DPP10: variants seen among roughly 807,000 people sequenced by gnomAD.
The protein encoded by DPP10 is dipeptidyl peptidase like 10, also known as inactive dipeptidyl peptidase 10.
Under a neutral mutation model 120.9 loss-of-function variants are expected in DPP10, and 33 were observed. The observed-to-expected ratio is 0.27, with a 90% confidence interval of 0.21 to 0.37. The LOEUF is 0.37. DPP10 is among the 10% of genes least tolerant of loss of function. The probability of loss-of-function intolerance (pLI) is 1.00; values close to 1 mark genes in which losing one functional copy is unlikely to be tolerated. For missense variants in DPP10, 816 were observed against 942.8 expected, an observed-to-expected ratio of 0.87 and a Z score of 1.76; for synonymous variants, 337 against 326.1, an observed-to-expected ratio of 1.03 and a Z score of -0.36.
chr2:115,054,305 T>C (rs1051700545), intron 1 of DPP10, among the ~76,000 whole-genome samples: 1 of 152,178 alleles, frequency 6.6e-6, no homozygotes, highest in African/African-American at 2.4e-5. Context: ...TAAGTGAGAA[T>C]TTTTAGCTGT....
At chr2:114,891,198 A>G (rs1692513980) in intron 1 of DPP10, among the ~76,000 whole-genome samples, 1 of 152,212 alleles carries the variant, frequency 6.6e-6, no homozygotes, top group African/African-American at 2.4e-5. Flanking sequence ...CCAAATAGCC[A>G]TATAACTGTG....
intron 1 of DPP10, among the ~76,000 whole-genome samples, chr2:114,850,461 AT>A (rs574408955): frequency 3.3e-5 from 5 of 152,292 alleles, no homozygotes; most frequent in African/African-American, 1.2e-4. Flanking sequence ...ACTGCCAGTT[AT>A]TTTTTTAATG....
At chr2:115,342,065 A>T in intron 2 of DPP10, 1 of 434,156 alleles carries the variant, frequency 2.3e-6, no homozygotes, top group South Asian at 1.7e-5. Flanking sequence ...CTTACCCAGG[A>T]ATTAGTGAGA....
intron 1 of DPP10, among the ~76,000 whole-genome samples, chr2:115,288,998 T>C (rs2060526156): frequency 6.6e-6 from 1 of 151,998 alleles, no homozygotes; most frequent in African/African-American, 2.4e-5. Flanking sequence ...AAGAGGAAAT[T>C]AAACTATCTC....
chr2:115,070,728 T>C (rs1041851349), intron 1 of DPP10, among the ~76,000 whole-genome samples: 4 of 152,168 alleles, frequency 2.6e-5, no homozygotes, highest in African/African-American at 9.6e-5. Context: ...CAATTATAAA[T>C]ATAAGTAAGT....
intron 5 of DPP10, among the ~76,000 whole-genome samples, chr2:115,557,018 C>A (rs1466110982): frequency 6.6e-6 from 1 of 152,126 alleles, no homozygotes; most frequent in Non-Finnish European, 1.5e-5. Context: ...AGAATCATTC[C>A]ATTTCTGCTG....
chr2:115,761,137 T>G (rs1680069425), intron 11 of DPP10, among the ~76,000 whole-genome samples: 1 of 147,358 alleles, frequency 6.8e-6, no homozygotes, highest in Non-Finnish European at 1.5e-5. Flanking sequence ...CAGGCATAGG[T>G]AGCTCACACC....
intron 1 of DPP10, among the ~76,000 whole-genome samples, chr2:114,947,528 G>A (rs1238762120): frequency 6.6e-6 from 1 of 151,628 alleles, no homozygotes; most frequent in African/African-American, 2.4e-5. Context: ...CGTCATATTG[G>A]TCACTACCTA....
intron 3 of DPP10, among the ~76,000 whole-genome samples, chr2:115,452,064 G>A (rs1321355324): frequency 1.3e-5 from 2 of 151,886 alleles, no homozygotes; most frequent in African/African-American, 4.8e-5. Context: ...AGGTCACATA[G>A]TATGTTAGTA....
chr2:115,441,839 CAG>C (rs1348946311), intron 3 of DPP10, among the ~76,000 whole-genome samples: 2 of 111,988 alleles, frequency 1.8e-5, no homozygotes, highest in African/African-American at 4.1e-5. Flanking sequence ...TTTTTTTTGA[CAG>C]AGTCTCGCTG....
At chr2:115,059,664 G>A (rs1391219197) in intron 1 of DPP10, among the ~76,000 whole-genome samples, 1 of 120,264 alleles carries the variant, frequency 8.3e-6, no homozygotes, top group Non-Finnish European at 1.6e-5. Flanking sequence ...GAAATCTTGG[G>A]AACATTAGTG....
chr2:114,578,440 TC>T (rs1187463953), intron 1 of DPP10, among the ~76,000 whole-genome samples: 12 of 152,210 alleles, frequency 7.9e-5, no homozygotes, highest in African/African-American at 2.9e-4. Flanking sequence ...TTCAGTTACA[TC>T]CTAGATTAAT....
chr2:115,156,217 T>A (rs1158911599), intron 1 of DPP10, among the ~76,000 whole-genome samples: 2 of 152,232 alleles, frequency 1.3e-5, no homozygotes, highest in African/African-American at 4.8e-5. Flanking sequence ...AAACTATTAT[T>A]TGTATAATCA....
chr2:115,105,996 C>T (rs1036139055), intron 1 of DPP10, among the ~76,000 whole-genome samples: 3 of 152,194 alleles, frequency 2.0e-5, no homozygotes, highest in Non-Finnish European at 4.4e-5. Flanking sequence ...CTTTAAGTCA[C>T]AGGTCAGATT....
At chr2:115,476,040 C>G (rs2075054644) in intron 3 of DPP10, among the ~76,000 whole-genome samples, 2 of 152,038 alleles carry the variant, frequency 1.3e-5, no homozygotes, top group Admixed American at 1.3e-4. Context: ...CTCGGGGGGA[C>G]TCTTGAGAAG....
rs11392457 is a variant in DPP10, at chr2:115,537,563, GT to G, written c.441+11608del. On this transcript the variant is annotated intron_variant, in intron 5 of 25. Transcript: ENST00000410059. The stretch of plus-strand genomic sequence containing the variant: ...CTGACTTTACTTGAGACACATCACT[GT>G]TTTTTTTTTTTTTTTTCTCATGGAT... Among the ~76,000 whole-genome samples, 466 of 128,620 alleles carry G rather than the reference GT, an allele frequency of 3.6e-3. 3 individuals carry two copies. The highest frequency in any genetic ancestry group is 0.012 in the South Asian group (48 of 4,040). 84.4% of individuals were successfully genotyped at this position (128,620 alleles called of 152,430 possible).
At chr2:114,785,719 AACAG>A (rs1454848039) in intron 1 of DPP10, among the ~76,000 whole-genome samples, 1 of 152,148 alleles carries the variant, frequency 6.6e-6, no homozygotes, top group Non-Finnish European at 1.5e-5. Flanking sequence ...CCACCCTGGA[AACAG>A]ACAGTCTAAG....
At chr2:115,490,000 A>T (rs1006106084) in intron 3 of DPP10, among the ~76,000 whole-genome samples, 1 of 152,118 alleles carries the variant, frequency 6.6e-6, no homozygotes, top group Non-Finnish European at 1.5e-5. Context: ...ATTTAGACAA[A>T]GTTTAACTCT....
chr2:115,530,043 A>G (rs2078367086), intron 5 of DPP10, among the ~76,000 whole-genome samples: 2 of 152,114 alleles, frequency 1.3e-5, no homozygotes, highest in South Asian at 4.1e-4. Flanking sequence ...ACCAGTCTTC[A>G]TATTCTTATG....
Sources: gnomAD v4.1 joint callset for allele counts (sites outside exome capture counted in the v4.1 genomes callset) on GRCh38, gnomAD v4.1.1 for gene constraint, MANE v1.5 for transcripts, NCBI Gene and HGNC (gene_info 2026-07-23, HGNC 2026-07-21) for gene names.